ITPR2: variants seen among roughly 807,000 people sequenced by gnomAD.
The protein encoded by ITPR2 is inositol 1,4,5-trisphosphate receptor type 2.
Under a neutral mutation model 317.1 loss-of-function variants are expected in ITPR2, and 207 were observed. The observed-to-expected ratio is 0.65, with a 90% CI of 0.58 to 0.73. The LOEUF is 0.73. ITPR2 is among the 30% of genes least tolerant of loss of function. The probability of loss-of-function intolerance (pLI) is 0.00; values close to 1 mark genes in which losing one functional copy is unlikely to be tolerated. For missense variants in ITPR2, 2,613 were observed against 3,284.0 expected (o/e 0.80, Z 4.99); for synonymous variants, 1,156 against 1,149.1 (o/e 1.01, Z -0.12).
chr12:26,433,420 G>A (rs1035699728), intron 48 of ITPR2, among the ~76,000 whole-genome samples: 2 of 152,036 alleles, frequency 1.3e-5, no homozygotes, highest in African/African-American at 4.8e-5. Flanking sequence ...CCATAACTAG[G>A]AGAAAATTGA....
chr12:26,348,104 CT>C (rs1938363883), intron 55 of ITPR2, among the ~76,000 whole-genome samples: 1 of 152,208 alleles, frequency 6.6e-6, no homozygotes, highest in African/African-American at 2.4e-5. Flanking sequence ...GCCTTCTAGG[CT>C]GAGGAGCATT....
intron 39 of ITPR2, among the ~76,000 whole-genome samples, chr12:26,488,026 T>G (rs373892216): frequency 2.6e-5 from 4 of 152,058 alleles, no homozygotes; most frequent in East Asian, 1.9e-4. Flanking sequence ...CTTGGGAAGA[T>G]TTACCCTAAT....
chr12:26,456,779 T>C (rs897519201), intron 45 of ITPR2, among the ~76,000 whole-genome samples: 22 of 152,144 alleles, frequency 1.4e-4, no homozygotes, highest in African/African-American at 5.3e-4. Flanking sequence ...TTCAAGCGAT[T>C]CTCTTGCCTC....
Position 26,656,153 on chromosome 12 carries a change from G to C in ITPR2, c.2444+144C>G, listed in dbSNP as rs552461593. 4 of 1,051,362 alleles carry C rather than the reference G, an allele frequency of 3.8e-6. No homozygotes were observed. The South Asian group carries it at 6.4e-5, about 17-fold the overall frequency. 65.1% of individuals were successfully genotyped at this position (1,051,362 alleles called of 1,614,324 possible). On this transcript the variant is annotated intron_variant, in intron 19 of 56. Transcript: ENST00000381340. ...GTTATCATTTCACCCTTCAAAACGAGTATCTTATTTGCATTTAGAAGATTA... is the reference window on the plus strand; with the variant it reads ...GTTATCATTTCACCCTTCAAAACGACTATCTTATTTGCATTTAGAAGATTA...
chr12:26,495,127 T>G (rs1942903209), intron 38 of ITPR2, 25 bp downstream of exon 38: 253 of 1,212,922 alleles, frequency 2.1e-4, no homozygotes, highest in Non-Finnish European at 2.9e-4. Flanking sequence ...AATCCTAAAA[T>G]GAGAAAACAA....
intron 1 of ITPR2, among the ~76,000 whole-genome samples, chr12:26,798,614 C>T (rs1049298007): frequency 2.6e-5 from 4 of 152,198 alleles, no homozygotes; most frequent in African/African-American, 9.7e-5. Context: ...TTAGCCAACA[C>T]TCAAGTTGCC....
intron 45 of ITPR2, among the ~76,000 whole-genome samples, chr12:26,470,097 A>T (rs1942262464): frequency 6.6e-6 from 1 of 152,198 alleles, no homozygotes. Context: ...CTGGCCTTGA[A>T]GATGGCTAGA....
At chr12:26,574,376 T>C (rs1451672159) in intron 34 of ITPR2, among the ~76,000 whole-genome samples, 1 of 152,212 alleles carries the variant, frequency 6.6e-6, no homozygotes, top group African/African-American at 2.4e-5. Flanking sequence ...CACTTCTGAA[T>C]GTGTTCCACT....
At position 26,680,120 on chromosome 12, in the gene ITPR2, T is replaced by G. The variant is rs566995202; in HGVS notation, c.1409+1754A>C. On this transcript the variant is annotated intron_variant, in intron 13 of 56. Coordinates refer to ENST00000381340, the MANE Select transcript of ITPR2 (RefSeq NM_002223.4). ...TGTGTCCACCTTATCCCATATACTA[T>G]ACATGTCTATTGACAATCTGGGAAT... Among the ~76,000 whole-genome samples, 9 of 152,164 alleles carry G rather than the reference T, an allele frequency of 5.9e-5. No homozygotes were observed. In the East Asian group the frequency reaches 1.7e-3, roughly 29 times the overall value.
At chr12:26,740,610 A>G (rs1565730648) in intron 2 of ITPR2, among the ~76,000 whole-genome samples, 1 of 152,228 alleles carries the variant, frequency 6.6e-6, no homozygotes, top group Non-Finnish European at 1.5e-5. Flanking sequence ...ATAAAAACTC[A>G]AGGAAGATAA....
chr12:26,552,798 G>T (rs899352762), intron 36 of ITPR2, among the ~76,000 whole-genome samples: 2 of 152,096 alleles, frequency 1.3e-5, no homozygotes, highest in Admixed American at 1.3e-4. Context: ...CGGTGGACAT[G>T]ATAAATTTCT....
At chr12:26,781,703 G>C (rs1387871627) in intron 2 of ITPR2, among the ~76,000 whole-genome samples, 3 of 152,030 alleles carry the variant, frequency 2.0e-5, no homozygotes, top group African/African-American at 4.8e-5. Context: ...ATTGATCCTG[G>C]ATGTGTCTGT....
chr12:26,666,367 C>T lies in ITPR2; in HGVS notation c.1410-316G>A, dbSNP rs562223558. ...CTCCAGCATCTCCAATCTCTACTTG[C>T]GCCTCCAGTTCTCATCAAGCGTTTG... On this transcript the variant is annotated intron_variant, in intron 13 of 56. Coordinates refer to ENST00000381340, the MANE Select transcript of ITPR2 (RefSeq NM_002223.4). 2.1e-4 allele frequency among the ~76,000 whole-genome samples: 32 copies of T among 152,212 alleles called. No individual in the cohort carries two copies. In the South Asian group the frequency reaches 4.8e-3, roughly 23 times the overall value.
At chr12:26,430,439 T>G (rs1176637538) in intron 48 of ITPR2, among the ~76,000 whole-genome samples, 1 of 152,330 alleles carries the variant, frequency 6.6e-6, no homozygotes, top group South Asian at 2.1e-4. Context: ...AAATTTTGTA[T>G]TGTCAGTAGA....
At chr12:26,728,160 A>C (rs1396429440) in intron 2 of ITPR2, among the ~76,000 whole-genome samples, 2 of 152,210 alleles carry the variant, frequency 1.3e-5, no homozygotes, top group African/African-American at 4.8e-5. Context: ...TGGCATGAGC[A>C]AGGGGCAGGA....
intron 54 of ITPR2, among the ~76,000 whole-genome samples, chr12:26,391,299 A>G (rs1172816560): frequency 6.6e-6 from 1 of 152,212 alleles, no homozygotes; most frequent in Non-Finnish European, 1.5e-5. Flanking sequence ...AGAGTCAATT[A>G]GTATTTAAAT....
chr12:26,349,978 G>T (rs74817713), intron 55 of ITPR2, among the ~76,000 whole-genome samples: 9,767 of 152,276 alleles, frequency 0.064, 439 homozygotes, highest in Non-Finnish European at 0.095. Flanking sequence ...CTGAGAGATG[G>T]GCTGATTCTA....
intron 2 of ITPR2, among the ~76,000 whole-genome samples, chr12:26,781,370 TA>T (rs144981644): frequency 0.17 from 24,642 of 142,590 alleles, 2,727 homozygotes; most frequent in Non-Finnish European, 0.25. Context: ...CATATATGCA[TA>T]AACTTGTACT....
At chr12:26,482,773 T>C (rs1440198770) in intron 42 of ITPR2, among the ~76,000 whole-genome samples, 1 of 152,238 alleles carries the variant, frequency 6.6e-6, no homozygotes, top group African/African-American at 2.4e-5. Context: ...TTCATAAATG[T>C]ATGTGTGTGT....
Sources: allele counts gnomAD v4.1 joint callset (sites outside exome capture counted in the v4.1 genomes callset), GRCh38; gene constraint gnomAD v4.1.1; transcripts MANE v1.5; gene names NCBI Gene and HGNC (gene_info 2026-07-23, HGNC 2026-07-21).